Variants in MTMR10 observed in about 807,000 individuals in gnomAD.
The protein encoded by MTMR10 is myotubularin related protein 10.
MTMR10 carries 56 observed loss-of-function variants against 88.1 expected under a neutral mutation model. The observed-to-expected ratio is 0.64, with a 90% CI of 0.51 to 0.79. The LOEUF (loss-of-function observed/expected upper bound fraction) is 0.79. MTMR10 is among the 30% of genes least tolerant of loss of function. MTMR10 has a pLI of 0.00. For missense variants in MTMR10, 883 were observed against 924.7 expected (o/e 0.95, Z 0.58); for synonymous variants, 380 against 340.9 (o/e 1.11, Z -1.26).
intron 10 of MTMR10, 109 bp from the exon 11 acceptor site, chr15:30,953,740 T>C: frequency 1.5e-6 from 1 of 677,646 alleles, no homozygotes; most frequent in Non-Finnish European, 2.5e-6. Context: ...TTTAAGTAAA[T>C]ATCATGCATT....
At chr15:30,927,979 A>T in the MTMR10 span, 2 of 985,818 alleles carry the variant, frequency 2.0e-6, no homozygotes, top group South Asian at 9.4e-5. Context: ...TTAAGGCCAG[A>T]TGTCTCTGTA....
chr15:30,954,816 T>C lies in MTMR10; in HGVS notation c.1013A>G (p.Asn338Ser), dbSNP rs1311003868. ...AAATGCTGCCTGTACTTCTTGAATA[T>C]TAGGCAAGGTCTTATCCAAATCTGA... ...YKSDLDKTLP[N>S]IQEVQAAFVK... The change falls in exon 10 of 16, where the codon AAT becomes AGT. Residue 338 changes from asparagine to serine, a missense_variant. Physicochemically the swap from Asn to Ser is conservative, Grantham distance 46. This residue lies in a region of MTMR10 where 414 missense variants were observed against 423.2 expected (regional missense o/e 0.98). Transcript: ENST00000435680. The C allele has an allele frequency of 6.3e-7, 1 of 1,598,934 alleles. No individual in the cohort carries two copies. Among genetic ancestry groups the C allele is most frequent in the South Asian group, 1.1e-5 (1 of 88,438 alleles).
chr15:30,932,022 A>G, the MTMR10 span, among the ~76,000 whole-genome samples: 2 of 151,804 alleles, frequency 1.3e-5, no homozygotes, highest in African/African-American at 4.8e-5. Flanking sequence ...GGAGATTGAG[A>G]CCATCCTGGC....
chr15:30,964,595 T>C (rs1224078629), intron 6 of MTMR10, among the ~76,000 whole-genome samples: 1 of 152,358 alleles, frequency 6.6e-6, no homozygotes, highest in Non-Finnish European at 1.5e-5. Context: ...TCTGGTTTTA[T>C]AGTCCAGAAA....
At chr15:30,953,969 C>T (rs1344816258) in intron 10 of MTMR10, among the ~76,000 whole-genome samples, 1 of 152,194 alleles carries the variant, frequency 6.6e-6, no homozygotes, top group Non-Finnish European at 1.5e-5. Flanking sequence ...GGTCAGCTGC[C>T]CAGGCCCTAG....
the MTMR10 span, chr15:30,922,465 T>A: frequency 9.1e-7 from 1 of 1,101,870 alleles, no homozygotes; most frequent in Non-Finnish European, 1.3e-6. Context: ...ATGTATTTCT[T>A]TTGTTAACAT....
chr15:30,976,789 A>G, intron 3 of MTMR10, 30 bp downstream of exon 3: 1 of 1,593,254 alleles, frequency 6.3e-7, no homozygotes, highest in East Asian at 2.2e-5. Context: ...AAAGCCTGAT[A>G]GAATGAAACA....
At chr15:30,943,509 A>C in intron 14 of MTMR10, 1 of 985,444 alleles carries the variant, frequency 1.0e-6, no homozygotes, top group Non-Finnish European at 1.2e-6. Context: ...ACTGCCACCA[A>C]TTTTATAACT....
At chr15:30,976,174 G>A (rs1018144494) in intron 3 of MTMR10, among the ~76,000 whole-genome samples, 4 of 151,422 alleles carry the variant, frequency 2.6e-5, no homozygotes, top group Non-Finnish European at 5.9e-5. Context: ...GGGGAGGCAG[G>A]CAGATTGCTT....
At chr15:30,953,252 G>T (rs1302195446) in intron 11 of MTMR10, among the ~76,000 whole-genome samples, 1 of 152,230 alleles carries the variant, frequency 6.6e-6, no homozygotes. Context: ...GGGGAGCCTT[G>T]TCATGGAACA....
chr15:30,934,885 C>T (rs1221860805), downstream of MTMR10, among the ~76,000 whole-genome samples: 4 of 152,140 alleles, frequency 2.6e-5, no homozygotes, highest in South Asian at 2.1e-4. Flanking sequence ...TTTACTTCTA[C>T]GTGTTATATG....
chr15:30,981,452 CT>C (rs2030564204), intron 2 of MTMR10, among the ~76,000 whole-genome samples: 1 of 152,252 alleles, frequency 6.6e-6, no homozygotes, highest in African/African-American at 2.4e-5. Flanking sequence ...GATACCACCT[CT>C]GTGGGTCTTT....
chr15:30,958,927 C>T lies in MTMR10; in HGVS notation c.871G>A (p.Gly291Ser), dbSNP rs1458758386. ...MPLWCWSHSNGSALVRMALIK... is the reference protein window; with the variant it reads ...MPLWCWSHSNSSALVRMALIK... ...AGGGCCATTCGCACAAGAGCACTGC[C>T]GTTAGAGTGGCTCCAGCACCAGAGC... is the stretch of plus-strand genomic sequence containing the variant. Residue 291 changes from glycine to serine, a missense_variant, in exon 9 of 16, where the codon GGC becomes AGC. Around this residue, in one of 3 missense-constraint regions of MTMR10, gnomAD observed 414 missense variants for 423.2 expected, o/e 0.98. Transcript: ENST00000435680. 3.1e-6 allele frequency: 5 copies of T among 1,613,928 alleles called. No individual in the cohort carries two copies. The highest frequency in any genetic ancestry group is 2.2e-5 in the South Asian group (2 of 91,078).
At chr15:30,972,573 A>G (rs1345474644) in intron 5 of MTMR10, among the ~76,000 whole-genome samples, 1 of 152,100 alleles carries the variant, frequency 6.6e-6, no homozygotes, top group African/African-American at 2.4e-5. Flanking sequence ...CACATAGGGG[A>G]TATTCTGAAT....
rs528076883 is a variant in MTMR10, at chr15:30,974,011, C to T, written c.474+303G>A. Among the ~76,000 whole-genome samples, 1,101 of 152,252 alleles carry T rather than the reference C, an allele frequency of 7.2e-3. 4 individuals are homozygous for T. The highest frequency in any genetic ancestry group is 0.012 in the Non-Finnish European group (814 of 68,018). Reference sequence around the variant, plus strand: ...TAATTACAGTATATCACCAACTTTTCAACCTTTTAACCAAGAAACTGACAA... The same window carrying T: ...TAATTACAGTATATCACCAACTTTTTAACCTTTTAACCAAGAAACTGACAA... On this transcript the variant is annotated intron_variant, in intron 5 of 15. Coordinates refer to ENST00000435680, the MANE Select transcript of MTMR10 (RefSeq NM_017762.3).
rs1227046692 is a variant in MTMR10, at chr15:30,959,266, C to G, written c.759-145G>C. On this transcript the variant is annotated intron_variant, in intron 7 of 15. Coordinates refer to ENST00000435680, the MANE Select transcript of MTMR10 (RefSeq NM_017762.3). ...CCACATGGTGGGCACCATGGGGGGG[C>G]AGTGACGATCCTACACCTCTTAGTC... 4.4e-6 allele frequency: 3 copies of G among 684,078 alleles called. No individual in the cohort carries two copies. In the African/African-American group the frequency reaches 5.4e-5, roughly 12 times the overall value. The allele number at this position is 684,078 out of a possible 1,614,324, so 42.4% of individuals were successfully genotyped here.
At chr15:30,982,610 G>C (rs554419310) in intron 2 of MTMR10, among the ~76,000 whole-genome samples, 1 of 152,174 alleles carries the variant, frequency 6.6e-6, no homozygotes, top group Non-Finnish European at 1.5e-5. Context: ...AAGAACAGAA[G>C]TACAGAGGGA....
intron 14 of MTMR10, chr15:30,944,010 A>C: frequency 3.0e-6 from 3 of 985,244 alleles, no homozygotes; most frequent in Non-Finnish European, 3.6e-6. Context: ...AGTACTCTCC[A>C]AATTTTCTAC....
intron 12 of MTMR10, among the ~76,000 whole-genome samples, chr15:30,951,167 T>C (rs968967755): frequency 2.5e-4 from 38 of 152,352 alleles, no homozygotes; most frequent in African/African-American, 8.9e-4. Flanking sequence ...TAATATGTAA[T>C]TATCCTTTGC....
Sources: allele counts gnomAD v4.1 joint callset (sites outside exome capture counted in the v4.1 genomes callset), GRCh38; gene constraint gnomAD v4.1.1; regional missense constraint gnomAD v4.1.1; transcripts MANE v1.5; gene names NCBI Gene and HGNC (gene_info 2026-07-23, HGNC 2026-07-21).